Variants in OR1B1 observed in about 807,000 individuals in gnomAD.
The protein encoded by OR1B1 is olfactory receptor family 1 subfamily B member 1, also known as olfactory receptor 1B1.
For missense variants in OR1B1, 414 were observed against 402.1 expected (o/e 1.03, Z -0.25); for synonymous variants, 168 against 156.2 (o/e 1.08, Z -0.57).
the OR1B1 span, among the ~76,000 whole-genome samples, chr9:122,640,562 G>A: frequency 5.3e-5 from 8 of 152,110 alleles, no homozygotes; most frequent in Admixed American, 3.9e-4. Context: ...TGGAGTGGGC[G>A]GGAAATGAAG....
the OR1B1 span, among the ~76,000 whole-genome samples, chr9:122,652,112 AT>A: frequency 1.3e-5 from 2 of 152,206 alleles, no homozygotes; most frequent in Non-Finnish European, 2.9e-5. Context: ...AAAATTCCAT[AT>A]TAAAATTAGA....
At chr9:122,653,564 T>A in the OR1B1 span, among the ~76,000 whole-genome samples, 1 of 152,294 alleles carries the variant, frequency 6.6e-6, no homozygotes, top group East Asian at 1.9e-4. Flanking sequence ...TAAATTGAGA[T>A]CTTCCACTGT....
exon 1 of OR1B1, chr9:122,629,272 G>A: frequency 6.2e-7 from 1 of 1,614,152 alleles, no homozygotes; most frequent in Non-Finnish European, 8.5e-7. Flanking sequence ...GGTAATGAGA[G>A]ACCAAATGGG....
chr9:122,650,487 G>A, the OR1B1 span, among the ~76,000 whole-genome samples: 1 of 151,796 alleles, frequency 6.6e-6, no homozygotes, highest in Admixed American at 6.6e-5. Context: ...AGCAATATCA[G>A]TAAGACCAGA....
the OR1B1 span, among the ~76,000 whole-genome samples, chr9:122,649,318 A>G: frequency 6.6e-6 from 1 of 152,192 alleles, no homozygotes; most frequent in Non-Finnish European, 1.5e-5. Flanking sequence ...AACCTAGGCA[A>G]TACCATTCAG....
chr9:122,628,422 T>C (rs1045672088), downstream of OR1B1, among the ~76,000 whole-genome samples: 1 of 152,176 alleles, frequency 6.6e-6, no homozygotes, highest in Admixed American at 6.5e-5. Flanking sequence ...ATGTGGAATG[T>C]TCATGGCTCC....
the OR1B1 span, among the ~76,000 whole-genome samples, chr9:122,637,737 T>C: frequency 1.8e-4 from 28 of 152,296 alleles, no homozygotes; most frequent in African/African-American, 6.0e-4. Context: ...TTTAATAGCA[T>C]TCTGGCCAGA....
the OR1B1 span, among the ~76,000 whole-genome samples, chr9:122,643,685 A>C: frequency 6.6e-6 from 1 of 152,192 alleles, no homozygotes; most frequent in Non-Finnish European, 1.5e-5. Flanking sequence ...CAGGCAGTGC[A>C]GTTTGTAGTA....
At chr9:122,647,547 AAAGAT>A in the OR1B1 span, among the ~76,000 whole-genome samples, 10 of 152,340 alleles carry the variant, frequency 6.6e-5, no homozygotes, top group South Asian at 1.7e-3. Flanking sequence ...AAAAAATAAT[AAAGAT>A]AAGAGCAGAA....
the OR1B1 span, among the ~76,000 whole-genome samples, chr9:122,640,093 C>A: frequency 6.6e-6 from 1 of 152,238 alleles, no homozygotes; most frequent in Non-Finnish European, 1.5e-5. Context: ...AGTGGCAGAA[C>A]TGGAATTTTA....
chr9:122,630,624 CT>C (rs1830194309), upstream of OR1B1, among the ~76,000 whole-genome samples: 1 of 152,198 alleles, frequency 6.6e-6, no homozygotes, highest in Admixed American at 6.5e-5. Flanking sequence ...AATGCTTAAT[CT>C]GTCTTGTATG....
the OR1B1 span, among the ~76,000 whole-genome samples, chr9:122,641,859 T>C: frequency 1.3e-5 from 2 of 152,180 alleles, no homozygotes; most frequent in African/African-American, 2.4e-5. Flanking sequence ...TATAAATCTA[T>C]ACAAATTTTA....
the OR1B1 span, among the ~76,000 whole-genome samples, chr9:122,647,637 T>G: frequency 6.6e-6 from 1 of 152,228 alleles, no homozygotes; most frequent in African/African-American, 2.4e-5. Context: ...GCTGCCACTG[T>G]TACTGATACA....
the OR1B1 span, among the ~76,000 whole-genome samples, chr9:122,642,334 A>G: frequency 6.6e-6 from 1 of 152,190 alleles, no homozygotes; most frequent in South Asian, 2.1e-4. Flanking sequence ...TTCCCCACCC[A>G]CACATTCACC....
chr9:122,632,299 A>G (rs542539499), upstream of OR1B1, among the ~76,000 whole-genome samples: 1 of 151,778 alleles, frequency 6.6e-6, no homozygotes, highest in South Asian at 2.1e-4. Flanking sequence ...AAGTTATCAA[A>G]AAAAAAACAT....
At chr9:122,646,207 C>A in the OR1B1 span, among the ~76,000 whole-genome samples, 4 of 150,894 alleles carry the variant, frequency 2.7e-5, no homozygotes, top group Non-Finnish European at 4.4e-5. Context: ...ACACAAAAAA[C>A]GAAGAGCAAA....
At chr9:122,644,448 G>A in the OR1B1 span, among the ~76,000 whole-genome samples, 4 of 152,230 alleles carry the variant, frequency 2.6e-5, no homozygotes, top group African/African-American at 9.6e-5. Context: ...CGGTAGAATA[G>A]AACATTAGGT....
the OR1B1 span, among the ~76,000 whole-genome samples, chr9:122,641,636 A>T: frequency 6.6e-6 from 1 of 152,232 alleles, no homozygotes; most frequent in African/African-American, 2.4e-5. Context: ...TCATCAAAAC[A>T]TACAAAATTT....
chr9:122,647,703 G>A, the OR1B1 span, among the ~76,000 whole-genome samples: 9 of 152,086 alleles, frequency 5.9e-5, no homozygotes, highest in African/African-American at 2.2e-4. Context: ...CTGTTGCTAC[G>A]ATGCACTGTG....
Sources: allele counts gnomAD v4.1 joint callset (sites outside exome capture counted in the v4.1 genomes callset), GRCh38; gene constraint gnomAD v4.1.1; transcripts MANE v1.5; gene names NCBI Gene and HGNC (gene_info 2026-07-23, HGNC 2026-07-21).